The following ATG10 variants were observed in gnomAD, a reference collection of about 807,000 sequenced individuals.
The protein encoded by ATG10 is autophagy related 10.
ATG10 carries 30 observed loss-of-function variants against 32.1 expected under a neutral mutation model. The observed-to-expected ratio is 0.94, with a 90% CI of 0.70 to 1.27. The LOEUF (loss-of-function observed/expected upper bound fraction) is 1.27. ATG10 is among the 50% of genes most tolerant of loss of function. The probability of loss-of-function intolerance (pLI) is 0.00; values close to 1 mark genes in which losing one functional copy is unlikely to be tolerated. For missense variants in ATG10, 233 were observed against 262.3 expected (o/e 0.89, Z 0.77); for synonymous variants, 87 against 91.5 (o/e 0.95, Z 0.28).
chr5:82,032,193 G>C (rs1360561579), intron 2 of ATG10, among the ~76,000 whole-genome samples: 3 of 152,220 alleles, frequency 2.0e-5, no homozygotes, highest in Non-Finnish European at 4.4e-5. Flanking sequence ...TTGACTGCCT[G>C]TCTCAGGTGT....
At chr5:82,103,111 T>C (rs1161730999) in intron 3 of ATG10, among the ~76,000 whole-genome samples, 3 of 152,172 alleles carry the variant, frequency 2.0e-5, no homozygotes, top group Non-Finnish European at 4.4e-5. Context: ...CACTTTTTAT[T>C]TCTAAAACTT....
rs1462419182 is a variant in ATG10 at position 82,252,451 on chromosome 5, A to G, written c.454-111A>G. On this transcript the variant is annotated intron_variant, in intron 5 of 7. Coordinates refer to ENST00000282185, the MANE Select transcript of ATG10 (RefSeq NM_031482.5). ...GAAAATAAACCTGTATATTAATTCA[A>G]TAACTTGGAATTTGAGACAAACCTT... 26 of 701,330 alleles carry G rather than the reference A, an allele frequency of 3.7e-5. No homozygotes were observed. In the Admixed American group the frequency reaches 6.3e-4, roughly 17 times the overall value. The allele number at this position is 701,330 out of a possible 1,614,324, so 43.4% of individuals were successfully genotyped here. A position where few individuals can be genotyped will look rare whatever the true frequency, so the allele number is the denominator to read the frequency against.
At chr5:82,220,671 C>G (rs1043057511) in intron 5 of ATG10, among the ~76,000 whole-genome samples, 4 of 151,270 alleles carry the variant, frequency 2.6e-5, no homozygotes, top group African/African-American at 9.7e-5. Flanking sequence ...GCTTTGTCGC[C>G]TAGGCTGGAG....
intron 5 of ATG10, among the ~76,000 whole-genome samples, chr5:82,185,927 T>C (rs1199884765): frequency 6.6e-6 from 1 of 152,266 alleles, no homozygotes; most frequent in Non-Finnish European, 1.5e-5. Flanking sequence ...TAACTGTTTC[T>C]ATTTTAAATA....
At chr5:81,987,517 T>C in intron 1 of ATG10, 42 bp from the exon 2 acceptor site, 2 of 1,341,746 alleles carry the variant, frequency 1.5e-6, no homozygotes, top group East Asian at 2.4e-5. Flanking sequence ...CCTTTCAATA[T>C]AATTCTAAAG....
intron 2 of ATG10, among the ~76,000 whole-genome samples, chr5:81,993,388 C>T (rs1290520146): frequency 5.1e-4 from 43 of 85,016 alleles, no homozygotes; most frequent in African/African-American, 2.3e-3. Flanking sequence ...CTTTTCTTTT[C>T]TTTTTTTTTC....
chr5:82,030,641 T>G (rs1762718599), intron 2 of ATG10, among the ~76,000 whole-genome samples: 1 of 152,224 alleles, frequency 6.6e-6, no homozygotes, highest in Non-Finnish European at 1.5e-5. Flanking sequence ...TTGGTGATCA[T>G]TAGTTGCTGG....
At chr5:81,981,555 G>C (rs2149656875) in intron 1 of ATG10, among the ~76,000 whole-genome samples, 1 of 152,356 alleles carries the variant, frequency 6.6e-6, no homozygotes, top group South Asian at 2.1e-4. Flanking sequence ...ATGTGGAATT[G>C]TTGCTAGGAG....
At chr5:82,011,840 C>T (rs1460079314) in intron 2 of ATG10, among the ~76,000 whole-genome samples, 1 of 152,164 alleles carries the variant, frequency 6.6e-6, no homozygotes, top group Non-Finnish European at 1.5e-5. Flanking sequence ...TTAGCTTCCC[C>T]TACACATGTG....
At chr5:82,101,576 C>G (rs752248739) in intron 3 of ATG10, among the ~76,000 whole-genome samples, 7 of 152,132 alleles carry the variant, frequency 4.6e-5, no homozygotes, top group Non-Finnish European at 8.8e-5. Context: ...TGTCTAAACT[C>G]AGAAGGCAGA....
chr5:82,037,610 T>A (rs1762973377), intron 2 of ATG10, among the ~76,000 whole-genome samples: 1 of 152,208 alleles, frequency 6.6e-6, no homozygotes, highest in African/African-American at 2.4e-5. Context: ...TCTATTTTTC[T>A]TTGCTTTAAT....
At chr5:81,973,459 A>G (rs559900814) in intron 1 of ATG10, among the ~76,000 whole-genome samples, 2 of 152,328 alleles carry the variant, frequency 1.3e-5, no homozygotes, top group African/African-American at 4.8e-5. Context: ...TAACCTATCA[A>G]ACTTACCATC....
intron 3 of ATG10, among the ~76,000 whole-genome samples, chr5:82,076,602 C>T (rs1331560423): frequency 1.3e-5 from 2 of 152,070 alleles, no homozygotes; most frequent in African/African-American, 4.8e-5. Context: ...TTTTGAGGGC[C>T]TCTGATTATA....
chr5:82,136,498 T>G (rs1458660739), intron 3 of ATG10, among the ~76,000 whole-genome samples: 1 of 152,208 alleles, frequency 6.6e-6, no homozygotes, highest in Non-Finnish European at 1.5e-5. Flanking sequence ...TTAGTTTGGC[T>G]GGATATGAAA....
chr5:82,069,354 A>G (rs1764049569), intron 3 of ATG10, among the ~76,000 whole-genome samples: 1 of 152,174 alleles, frequency 6.6e-6, no homozygotes, highest in Admixed American at 6.6e-5. Flanking sequence ...TATCATTTTT[A>G]CATAAAATCA....
chr5:82,068,569 GAA>G (rs144537613), intron 3 of ATG10, among the ~76,000 whole-genome samples: 1 of 141,458 alleles, frequency 7.1e-6, no homozygotes, highest in African/African-American at 2.6e-5. Context: ...ATTCTTATCT[GAA>G]AAAAAAAAAG....
chr5:81,988,066 T>C (rs564554581), intron 2 of ATG10, among the ~76,000 whole-genome samples: 1 of 152,350 alleles, frequency 6.6e-6, no homozygotes, highest in African/African-American at 2.4e-5. Flanking sequence ...AACCAAACCA[T>C]AAACAATCAC....
At chr5:82,150,641 G>A (rs946541327) in intron 3 of ATG10, among the ~76,000 whole-genome samples, 10 of 152,166 alleles carry the variant, frequency 6.6e-5, no homozygotes, top group Admixed American at 1.3e-4. Context: ...CAGAGAAAGC[G>A]ATCGTGAGGC....
intron 3 of ATG10, among the ~76,000 whole-genome samples, chr5:82,114,954 G>A (rs774851703): frequency 1.3e-5 from 2 of 151,992 alleles, no homozygotes; most frequent in Non-Finnish European, 2.9e-5. Flanking sequence ...CTTGAAATGT[G>A]GCTAGTATGA....
Sources: gnomAD v4.1 joint callset for allele counts (sites outside exome capture counted in the v4.1 genomes callset) on GRCh38, gnomAD v4.1.1 for gene constraint, MANE v1.5 for transcripts, NCBI Gene and HGNC (gene_info 2026-07-23, HGNC 2026-07-21) for gene names.